The following CAST variants were observed in gnomAD, a reference collection of about 807,000 sequenced individuals.
CAST encodes the protein calpastatin.
Under a neutral mutation model 119.6 loss-of-function variants are expected in CAST, and 76 were observed. The ratio of observed to expected loss-of-function variants is 0.64; its 90% CI spans 0.53 to 0.77. The LOEUF (loss-of-function observed/expected upper bound fraction) is 0.77, where lower values mean the gene tolerates loss of function less well. CAST is among the 30% of genes least tolerant of loss of function. The pLI is 0.00. For synonymous variants in CAST, 319 were observed against 331.6 expected, an observed-to-expected ratio of 0.96 and a Z score of 0.41; for missense variants, 953 against 946.5, an observed-to-expected ratio of 1.01 and a Z score of -0.09.
intron 1 of CAST, among the ~76,000 whole-genome samples, chr5:96,541,985 A>G (rs1340093841): frequency 6.6e-6 from 1 of 152,236 alleles, no homozygotes; most frequent in South Asian, 2.1e-4. Context: ...AATACCTAGC[A>G]GTGCAATTGC....
chr5:96,175,682 T>C, the CAST span, among the ~76,000 whole-genome samples: 1 of 152,220 alleles, frequency 6.6e-6, no homozygotes, highest in Non-Finnish European at 1.5e-5. Flanking sequence ...CAACTATCTA[T>C]GGAACAATGT....
chr5:96,000,617 G>A, the CAST span, among the ~76,000 whole-genome samples: 1 of 152,120 alleles, frequency 6.6e-6, no homozygotes, highest in Non-Finnish European at 1.5e-5. Context: ...AGAACACAGG[G>A]ATGTACCAAT....
At chr5:96,622,726 A>G (rs1379388520) in intron 1 of CAST, among the ~76,000 whole-genome samples, 1 of 152,110 alleles carries the variant, frequency 6.6e-6, no homozygotes, top group Non-Finnish European at 1.5e-5. Flanking sequence ...TAAAAACTTT[A>G]TGTAGTCTTT....
At chr5:96,146,923 A>C in the CAST span, among the ~76,000 whole-genome samples, 1 of 152,206 alleles carries the variant, frequency 6.6e-6, no homozygotes, top group Non-Finnish European at 1.5e-5. Flanking sequence ...CTCAGTCAAG[A>C]AGTGACACGG....
chr5:96,273,713 G>C, the CAST span, among the ~76,000 whole-genome samples: 1,083 of 152,148 alleles, frequency 7.1e-3, 17 homozygotes, highest in African/African-American at 0.024. Context: ...TCTAATTCAG[G>C]AACAGTTTTC....
rs1748788503 is a variant in CAST at position 96,663,083 on chromosome 5, C to T, written c.75+586C>T. ...AGCCCGGCGCCTCCAACGCAACACC[C>T]CGCGCCCTCGCCGGCTCCCCCGCCG... On this transcript the variant is annotated intron_variant, in intron 1 of 31. Coordinates refer to ENST00000675179, the MANE Select transcript of CAST (RefSeq NM_001750.7). 1.1e-5 allele frequency: 8 copies of T among 701,920 alleles called. No individual in the cohort carries two copies. In the South Asian group the frequency reaches 1.2e-4, roughly 10 times the overall value. 43.5% of individuals were successfully genotyped at this position (701,920 alleles called of 1,614,324 possible). A position where few individuals can be genotyped will look rare whatever the true frequency, so the allele number is the denominator to read the frequency against.
the CAST span, among the ~76,000 whole-genome samples, chr5:96,355,131 T>G: frequency 6.6e-6 from 1 of 152,082 alleles, no homozygotes; most frequent in Admixed American, 6.6e-5. Flanking sequence ...TCATCTAGGT[T>G]TTAAGCCCCG....
chr5:96,336,432 C>T, the CAST span, among the ~76,000 whole-genome samples: 6 of 152,206 alleles, frequency 3.9e-5, no homozygotes, highest in Non-Finnish European at 5.9e-5. Flanking sequence ...TCTTCTCCAA[C>T]GCAGCCAAAA....
the CAST span, among the ~76,000 whole-genome samples, chr5:95,972,351 A>G: frequency 6.6e-6 from 1 of 151,962 alleles, no homozygotes; most frequent in African/African-American, 2.4e-5. Flanking sequence ...ACCATTTTGC[A>G]TTTGAGAATT....
At chr5:96,287,434 A>T in the CAST span, among the ~76,000 whole-genome samples, 1 of 152,190 alleles carries the variant, frequency 6.6e-6, no homozygotes, top group Non-Finnish European at 1.5e-5. Context: ...TATAAAGAGG[A>T]AAATTTCACA....
At chr5:96,722,547 G>C (rs908880437) in intron 3 of CAST, 92 bp from the exon 4 acceptor site, 40 of 954,806 alleles carry the variant, frequency 4.2e-5, no homozygotes, top group Non-Finnish European at 6.3e-5. Context: ...AAGGTAAAGG[G>C]CCAAGGGCAG....
chr5:96,355,435 G>A, the CAST span, among the ~76,000 whole-genome samples: 1 of 152,012 alleles, frequency 6.6e-6, no homozygotes, highest in African/African-American at 2.4e-5. Context: ...ATCATTAATG[G>A]CATTTGGGTT....
At chr5:96,523,062 G>C (rs1233054602), upstream of CAST, among the ~76,000 whole-genome samples, 1 of 152,266 alleles carries the variant, frequency 6.6e-6, no homozygotes, top group Non-Finnish European at 1.5e-5. Context: ...GACTTTTGCT[G>C]TCCAGGTTTT....
chr5:96,752,610 T>TA (rs1180746359), intron 20 of CAST, among the ~76,000 whole-genome samples: 1 of 101,416 alleles, frequency 9.9e-6, no homozygotes, highest in African/African-American at 3.7e-5. Context: ...CTCTTGGGAA[T>TA]AAAACCCATG....
At chr5:96,357,913 T>A in the CAST span, among the ~76,000 whole-genome samples, 6 of 152,208 alleles carry the variant, frequency 3.9e-5, no homozygotes, top group Non-Finnish European at 8.8e-5. Context: ...TGGTACCAGC[T>A]CCTTTTTGTA....
At chr5:96,357,685 T>C in the CAST span, among the ~76,000 whole-genome samples, 22 of 152,224 alleles carry the variant, frequency 1.4e-4, no homozygotes, top group Admixed American at 7.2e-4. Context: ...TGAAGCCGAG[T>C]TGATTGTGGT....
chr5:96,267,826 G>T, the CAST span, among the ~76,000 whole-genome samples: 1 of 152,150 alleles, frequency 6.6e-6, no homozygotes, highest in Non-Finnish European at 1.5e-5. Flanking sequence ...CATAACTCTA[G>T]TATGAAGCAT....
the CAST span, among the ~76,000 whole-genome samples, chr5:96,361,501 G>A: frequency 6.6e-6 from 1 of 152,214 alleles, no homozygotes; most frequent in East Asian, 1.9e-4. Context: ...AGGTTGTGAA[G>A]TCCGTGGGAA....
At chr5:96,050,099 G>A in the CAST span, 4 of 152,180 alleles carry the variant, frequency 2.6e-5, no homozygotes, top group African/African-American at 9.7e-5. Flanking sequence ...AGTAGATTTA[G>A]TAACGATGGG....
Sources: gnomAD v4.1 joint callset for allele counts (sites outside exome capture counted in the v4.1 genomes callset) on GRCh38, gnomAD v4.1.1 for gene constraint, MANE v1.5 for transcripts, NCBI Gene and HGNC (gene_info 2026-07-23, HGNC 2026-07-21) for gene names.